The following MAPKAP1 variants were observed in gnomAD, a reference collection of about 807,000 sequenced individuals.
MAPKAP1 encodes target of rapamycin complex 2 subunit MAPKAP1.
In MAPKAP1, 20 loss-of-function variants were observed where a neutral mutation model predicts 65.7. The observed-to-expected ratio is 0.30, with a 90% CI of 0.21 to 0.44. MAPKAP1 has a LOEUF of 0.44. MAPKAP1 is among the 20% of genes least tolerant of loss of function. The probability of loss-of-function intolerance (pLI) is 1.00; values close to 1 mark genes in which losing one functional copy is unlikely to be tolerated. For missense variants in MAPKAP1, 423 were observed against 648.0 expected (o/e 0.65, Z 3.77); for synonymous variants, 222 against 244.3 (o/e 0.91, Z 0.85).
Position 125,500,679 on chromosome 9 carries a change from A to G in MAPKAP1, c.1066+5631T>C, listed in dbSNP as rs772670233. On this transcript the variant is annotated intron_variant, in intron 8 of 11. Transcript: ENST00000265960. ...TTGTCTCTGGAAGGGGAATTAGGGG[A>G]TGGAAGAAGAGAGACTTCATTTTCA... Among the ~76,000 whole-genome samples the G allele has an allele frequency of 6.5e-4, 99 of 152,234 alleles. 1 individual carries two copies. Among genetic ancestry groups the G allele is most frequent in the Non-Finnish European group, 1.3e-4 (9 of 68,036 alleles).
intron 4 of MAPKAP1, chr9:125,650,310 G>C (rs1833856983): frequency 6.6e-6 from 1 of 152,118 alleles, no homozygotes; most frequent in Non-Finnish European, 1.5e-5. Context: ...TTAAATCCTT[G>C]TTCAAGGCTT....
intron 4 of MAPKAP1, among the ~76,000 whole-genome samples, chr9:125,646,429 T>C (rs1471034275): frequency 1.3e-5 from 2 of 152,216 alleles, no homozygotes; most frequent in Admixed American, 1.3e-4. Context: ...GAAGTTTCAG[T>C]TTCCTTCTCT....
In MAPKAP1 at chr9:125,595,745, A is replaced by C; in HGVS notation, c.499-10018T>G. 2 of 1,437,116 alleles carry C rather than the reference A, an allele frequency of 1.4e-6. No homozygotes were observed. Among genetic ancestry groups the C allele is most frequent in the Non-Finnish European group, 1.9e-6 (2 of 1,038,674 alleles). The allele number at this position is 1,437,116 out of a possible 1,614,324, so 89.0% of individuals were successfully genotyped here. A position where few individuals can be genotyped will look rare whatever the true frequency, so the allele number is the denominator to read the frequency against. On this transcript the variant is annotated intron_variant, in intron 4 of 11. Coordinates refer to ENST00000265960, the MANE Select transcript of MAPKAP1 (RefSeq NM_001006617.3). This position sits in a 1 kb window ranked among gnomAD's most constrained non-coding sequence, Gnocchi z 4.0. ...TGGAGGGTTGAGCTTTGAAACAACC[A>C]ATGAGAGCAAGAGGAGCCATTGTGA...
At chr9:125,629,054 AACAC>A (rs71374284) in intron 4 of MAPKAP1, among the ~76,000 whole-genome samples, 7,128 of 147,298 alleles carry the variant, frequency 0.048, 347 homozygotes, top group African/African-American at 0.13. Context: ...TCACTGTCAA[AACAC>A]ACACACACAC....
intron 5 of MAPKAP1, among the ~76,000 whole-genome samples, chr9:125,563,179 C>T (rs1564559801): frequency 2.0e-5 from 3 of 152,092 alleles, no homozygotes; most frequent in Admixed American, 6.5e-5. Context: ...ATTCTTTAAA[C>T]AAATAAAAAA....
At chr9:125,450,388 C>T (rs528388186) in intron 10 of MAPKAP1, among the ~76,000 whole-genome samples, 1 of 152,344 alleles carries the variant, frequency 6.6e-6, no homozygotes, top group South Asian at 2.1e-4. Context: ...CTTTCCTAAC[C>T]ATTCTCGCCT....
chr9:125,506,636 T>C (rs1401235101), intron 7 of MAPKAP1, among the ~76,000 whole-genome samples: 2 of 152,166 alleles, frequency 1.3e-5, no homozygotes, highest in Non-Finnish European at 2.9e-5. Context: ...CACTCAGTTC[T>C]CCCCGAAACC....
chr9:125,467,776 G>A (rs113035898), intron 10 of MAPKAP1, among the ~76,000 whole-genome samples, 196 bp downstream of exon 10: 2 of 152,190 alleles, frequency 1.3e-5, no homozygotes, highest in African/African-American at 2.4e-5. Context: ...CATCAAGACC[G>A]AACAGGATGG....
intron 4 of MAPKAP1, among the ~76,000 whole-genome samples, chr9:125,589,364 C>G (rs1180553169): frequency 6.6e-6 from 1 of 152,174 alleles, no homozygotes; most frequent in Non-Finnish European, 1.5e-5. Flanking sequence ...ATGTTAACGT[C>G]TGCTTTGTTT....
chr9:125,541,251 C>T (rs1830238343), intron 7 of MAPKAP1, among the ~76,000 whole-genome samples: 1 of 152,048 alleles, frequency 6.6e-6, no homozygotes, highest in African/African-American at 2.4e-5. Flanking sequence ...TGGGAATGGA[C>T]ATAGAAAAAC....
At chr9:125,443,598 C>A (rs565687695) in intron 11 of MAPKAP1, among the ~76,000 whole-genome samples, 4 of 152,136 alleles carry the variant, frequency 2.6e-5, no homozygotes, top group Non-Finnish European at 5.9e-5. Context: ...CCTCCCAAAT[C>A]CGCAAGACCC....
chr9:125,445,891 C>T (rs375841806), intron 10 of MAPKAP1, among the ~76,000 whole-genome samples: 6 of 151,886 alleles, frequency 4.0e-5, no homozygotes, highest in African/African-American at 1.5e-4. Context: ...AGTCAGTATT[C>T]AGTAAACCTT....
chr9:125,502,907 T>C (rs969673398), intron 8 of MAPKAP1, among the ~76,000 whole-genome samples: 1 of 151,332 alleles, frequency 6.6e-6, no homozygotes. Flanking sequence ...GAGACCTGTA[T>C]ATTTTTCTTA....
chr9:125,605,126 G>T (rs1022464665), intron 4 of MAPKAP1, among the ~76,000 whole-genome samples: 2 of 152,142 alleles, frequency 1.3e-5, no homozygotes, highest in Admixed American at 6.5e-5. Context: ...AGAAAATATA[G>T]TTCCTCATCA....
chr9:125,466,477 T>C lies in MAPKAP1; in HGVS notation c.1345+1495A>G, dbSNP rs994723431. Reference sequence around the variant, plus strand: ...CTTATCCCTTTATGCAACACAGAAGTGATTGCCTTTCATTTCTCAGAGACA... The same window carrying C: ...CTTATCCCTTTATGCAACACAGAAGCGATTGCCTTTCATTTCTCAGAGACA... On this transcript the variant is annotated intron_variant, in intron 10 of 11. Coordinates refer to ENST00000265960, the MANE Select transcript of MAPKAP1 (RefSeq NM_001006617.3). Among the ~76,000 whole-genome samples the C allele has an allele frequency of 2.6e-5, 4 of 152,222 alleles. No homozygotes were observed. In the East Asian group the frequency reaches 5.8e-4, roughly 22 times the overall value.
intron 1 of MAPKAP1, among the ~76,000 whole-genome samples, chr9:125,704,599 G>C (rs955502877): frequency 7.9e-5 from 12 of 152,200 alleles, no homozygotes; most frequent in Non-Finnish European, 1.3e-4. Flanking sequence ...GTAGATCCTC[G>C]AAGTATTTAT....
At chr9:125,559,220 C>T (rs144169586) in intron 6 of MAPKAP1, 1 of 154,258 alleles carries the variant, frequency 6.5e-6, no homozygotes, top group African/African-American at 2.4e-5. Flanking sequence ...AGGCAACTGA[C>T]AGGGAAGGTC....
chr9:125,550,006 A>T (rs1323604418), intron 6 of MAPKAP1, among the ~76,000 whole-genome samples: 1 of 152,236 alleles, frequency 6.6e-6, no homozygotes, highest in Non-Finnish European at 1.5e-5. Context: ...AGTGGCTAAC[A>T]GTTTGCCTTG....
chr9:125,451,846 A>G (rs1327444349), intron 10 of MAPKAP1, among the ~76,000 whole-genome samples: 83 of 126,038 alleles, frequency 6.6e-4, no homozygotes, highest in Non-Finnish European at 1.0e-3. Context: ...GTCTCGCTCT[A>G]TCCCCCAGGG....
Sources: allele counts gnomAD v4.1 joint callset (sites outside exome capture counted in the v4.1 genomes callset), GRCh38; gene constraint gnomAD v4.1.1; non-coding constraint Gnocchi (gnomAD v3.1); transcripts MANE v1.5; gene names NCBI Gene and HGNC (gene_info 2026-07-23, HGNC 2026-07-21).